GNL3L: variants seen among roughly 807,000 people sequenced by gnomAD.
The protein encoded by GNL3L is G protein nucleolar 3 like, also known as guanine nucleotide-binding protein-like 3-like protein.
Under a neutral mutation model 42.9 loss-of-function variants are expected in GNL3L, and 4 were observed. The ratio of observed to expected loss-of-function variants is 0.09; its 90% CI spans 0.05 to 0.21. GNL3L has a LOEUF of 0.21. GNL3L is among the 10% of genes least tolerant of loss of function. GNL3L has a pLI of 1.00. For synonymous variants in GNL3L, 159 were observed against 176.3 expected (o/e 0.90, Z 0.78); for missense variants, 412 against 481.7 (o/e 0.86, Z 1.36).
At chrX:54,642,190 C>T in the GNL3L span, among the ~76,000 whole-genome samples, 2 of 111,643 alleles carry the variant, frequency 1.8e-5, no homozygotes, top group Non-Finnish European at 3.8e-5. Context: ...TGTACTTTTC[C>T]TCATTTTACA....
chrX:54,552,266 C>A (rs747469963), intron 12 of GNL3L, 26 bp from the exon 13 acceptor site: 1 of 1,200,689 alleles, frequency 8.3e-7, no homozygotes, highest in East Asian at 3.0e-5. Context: ...GACAGCACCA[C>A]TCATCTCCCC....
the GNL3L span, among the ~76,000 whole-genome samples, chrX:54,645,022 TA>T: frequency 8.9e-6 from 1 of 111,781 alleles, no homozygotes; most frequent in African/African-American, 3.2e-5. Context: ...GTGAAGGGGA[TA>T]TTTTTCCCTT....
At chrX:54,636,690 A>G in the GNL3L span, among the ~76,000 whole-genome samples, 5 of 112,135 alleles carry the variant, frequency 4.5e-5, no homozygotes, top group African/African-American at 1.6e-4. Context: ...TATTGCTGCA[A>G]AAGACATGAT....
At chrX:54,543,443 A>C (rs1429564026) in intron 7 of GNL3L, 101 bp downstream of exon 7, 8 of 836,135 alleles carry the variant, frequency 9.6e-6, no homozygotes, top group Non-Finnish European at 1.4e-5. Context: ...AGTGATACTC[A>C]TAATAGTCAT....
At position 54,558,713 on chromosome X, in the gene GNL3L, GT is replaced by G. The variant is rs904135932; in HGVS notation, c.1666+68del. The G allele has an allele frequency of 8.0e-4, 626 of 779,861 alleles. 2 individuals carry two copies. The African/African-American group carries it at 8.9e-3, about 11-fold the overall frequency. The allele number at this position is 779,861 out of a possible 1,213,427, so 64.3% of individuals were successfully genotyped here. A position where few individuals can be genotyped will look rare whatever the true frequency, so the allele number is the denominator to read the frequency against. On this transcript the variant is annotated intron_variant, in intron 15 of 15. Coordinates refer to ENST00000360845, the MANE Select transcript of GNL3L (RefSeq NM_001184819.2). ...AGGGGCCCACATGGGATCTTTTTTT[GT>G]TTTTTTTTTCTGGCTCACTGCAGTC...
chrX:54,605,627 C>T (rs2147529548), intron 16 of GNL3L, among the ~76,000 whole-genome samples: 1 of 111,713 alleles, frequency 9.0e-6, no homozygotes, highest in East Asian at 2.8e-4. Flanking sequence ...TTAGGTGAAC[C>T]ATTGTGTTGG....
At chrX:54,558,756 A>G (rs1925175068) in intron 15 of GNL3L, 101 bp downstream of exon 15, 2 of 554,563 alleles carry the variant, frequency 3.6e-6, no homozygotes, top group Non-Finnish European at 5.9e-6. Context: ...CCCTGGGTTC[A>G]AGCGATTCTC....
intron 16 of GNL3L, among the ~76,000 whole-genome samples, chrX:54,597,521 T>G (rs1233033497): frequency 9.0e-6 from 1 of 110,885 alleles, no homozygotes; most frequent in East Asian, 2.9e-4. Flanking sequence ...GGAGGGGTGA[T>G]GCCAGCACTC....
At position 54,560,700 on chromosome X, in the gene GNL3L, T is replaced by C. The variant is rs140877772; in HGVS notation, c.*98T>C. Reference sequence around the variant, plus strand: ...TGGTTCTCCCTGAAGCATCTGCATATTGAAAGAACGCTTTCCCCACTGTGT... The same window carrying C: ...TGGTTCTCCCTGAAGCATCTGCATACTGAAAGAACGCTTTCCCCACTGTGT... On this transcript the variant is annotated 3_prime_UTR_variant, in exon 16 of 16. Transcript: ENST00000360845. 564 of 565,116 alleles carry C rather than the reference T, an allele frequency of 1.0e-3. 1 individual carries two copies. The African/African-American group carries it at 0.011, about 11-fold the overall frequency. The allele number at this position is 565,116 out of a possible 1,213,427, so 46.6% of individuals were successfully genotyped here. A position where few individuals can be genotyped will look rare whatever the true frequency, so the allele number is the denominator to read the frequency against.
intron 16 of GNL3L, among the ~76,000 whole-genome samples, chrX:54,577,405 C>T (rs929926920): frequency 1.6e-4 from 18 of 111,756 alleles, no homozygotes; most frequent in African/African-American, 5.9e-4. Context: ...CTAATAACAT[C>T]ATTATCTCAC....
the GNL3L span, among the ~76,000 whole-genome samples, chrX:54,643,642 T>TAAA: frequency 1.8e-5 from 2 of 111,475 alleles, no homozygotes; most frequent in Non-Finnish European, 3.8e-5. Flanking sequence ...TCTACTCTTT[T>TAAA]AGTTATTTTG....
chrX:54,593,528 G>A (rs1183214559), intron 16 of GNL3L, among the ~76,000 whole-genome samples: 1 of 109,363 alleles, frequency 9.1e-6, no homozygotes, highest in African/African-American at 3.3e-5. Flanking sequence ...ACTAGCTAAA[G>A]GTTTGTCAAT....
chrX:54,570,395 T>TATACCA (rs1925527306), downstream of GNL3L, among the ~76,000 whole-genome samples: 1 of 112,035 alleles, frequency 8.9e-6, no homozygotes, highest in Non-Finnish European at 1.9e-5. Flanking sequence ...AACTATGGTA[T>TATACCA]ATCTTTTTCA....
At chrX:54,614,063 G>A (rs1926194231) in intron 16 of GNL3L, among the ~76,000 whole-genome samples, 1 of 110,525 alleles carries the variant, frequency 9.0e-6, no homozygotes, top group Non-Finnish European at 1.9e-5. Context: ...GGCTAGGTGT[G>A]TCTGAGCTCA....
chrX:54,595,777 C>T (rs1207429543), intron 16 of GNL3L, among the ~76,000 whole-genome samples: 1 of 112,031 alleles, frequency 8.9e-6, no homozygotes, highest in Non-Finnish European at 1.9e-5. Flanking sequence ...TGTTCTCAAA[C>T]TTACTAATTA....
At chrX:54,549,563 G>A (rs1425985640) in intron 9 of GNL3L, among the ~76,000 whole-genome samples, 1 of 112,350 alleles carries the variant, frequency 8.9e-6, no homozygotes, top group African/African-American at 3.2e-5. Context: ...GATGTGTGTG[G>A]TGGCGGGCAT....
chrX:54,635,296 C>T, the GNL3L span, among the ~76,000 whole-genome samples: 1 of 111,416 alleles, frequency 9.0e-6, no homozygotes, highest in African/African-American at 3.3e-5. Flanking sequence ...TTTGCTCATA[C>T]GTCATATTCC....
chrX:54,558,650 G>C lies in GNL3L; in HGVS notation c.1661G>C (p.Arg554Pro), dbSNP rs753282866. Reference protein sequence around the residue: ...ALKNKKKMQKRADKIASKLSD... With the variant: ...ALKNKKKMQKPADKIASKLSD... ...AAAAATAAGAAGAAGATGCAGAAAC[G>C]TGCAGGTGGGAGCCCCAGACCAACC... The change falls in exon 15 of 16, where the codon CGT becomes CCT. Residue 554 changes from arginine to proline, a missense_variant. Physicochemically the swap from Arg to Pro is moderately radical, Grantham distance 103. Transcript: ENST00000360845. 1 of 1,183,794 alleles carries C rather than the reference G, an allele frequency of 8.4e-7. No homozygotes were observed. Among genetic ancestry groups the C allele is most frequent in the Non-Finnish European group, 1.1e-6 (1 of 873,892 alleles).
chrX:54,544,381 C>T, intron 8 of GNL3L, 55 bp downstream of exon 8: 1 of 612,128 alleles, frequency 1.6e-6, no homozygotes, highest in Non-Finnish European at 2.7e-6. Context: ...GGGGCCAGAG[C>T]TGGGAGGGTC....
Sources: allele counts gnomAD v4.1 joint callset (sites outside exome capture counted in the v4.1 genomes callset), GRCh38; gene constraint gnomAD v4.1.1; transcripts MANE v1.5; gene names NCBI Gene and HGNC (gene_info 2026-07-23, HGNC 2026-07-21).